C12orf56: variants seen among roughly 807,000 people sequenced by gnomAD.
C12orf56 encodes uncharacterized protein C12orf56.
C12orf56 carries 71 observed loss-of-function variants against 69.9 expected under a neutral mutation model. The observed-to-expected ratio is 1.02, with a 90% CI of 0.84 to 1.24. The LOEUF (loss-of-function observed/expected upper bound fraction) is 1.24. Among genes scored for constraint, C12orf56 ranks in the 50% most tolerant of loss-of-function variants. C12orf56 has a pLI of 0.00. For synonymous variants in C12orf56, 276 were observed against 274.1 expected (o/e 1.01, Z -0.07); for missense variants, 732 against 738.5 (o/e 0.99, Z 0.10).
At chr12:64,271,237 G>A (rs1416853515) in intron 11 of C12orf56, among the ~76,000 whole-genome samples, 4 of 151,910 alleles carry the variant, frequency 2.6e-5, no homozygotes, top group East Asian at 1.9e-4. Flanking sequence ...AGGCTGAGGC[G>A]GGTAGATCAC....
In C12orf56 at chr12:64,266,870, T is replaced by C; in HGVS notation, c.*313A>G. 3.1e-6 allele frequency: 1 copy of C among 326,284 alleles called. No individual in the cohort carries two copies. Among genetic ancestry groups the C allele is most frequent in the Non-Finnish European group, 5.5e-6 (1 of 182,052 alleles). The allele number at this position is 326,284 out of a possible 1,614,324, so 20.2% of individuals were successfully genotyped here. Reference sequence around the variant, plus strand: ...CAGCTTTCCTAAATCCCTGCATTCCTTTTTCCTGTGTCTTGATGGATAGTC... The same window carrying C: ...CAGCTTTCCTAAATCCCTGCATTCCCTTTTCCTGTGTCTTGATGGATAGTC... On this transcript the variant is annotated 3_prime_UTR_variant, in exon 13 of 13. Coordinates refer to ENST00000543942, the MANE Select transcript of C12orf56 (RefSeq NM_001170633.2).
At chr12:64,326,556 G>A (rs1285747650) in intron 3 of C12orf56, among the ~76,000 whole-genome samples, 3 of 152,098 alleles carry the variant, frequency 2.0e-5, no homozygotes, top group Non-Finnish European at 4.4e-5. Context: ...CAAACATGGT[G>A]AAACCCCGTC....
At chr12:64,367,810 C>A (rs1273080302) in intron 1 of C12orf56, among the ~76,000 whole-genome samples, 1 of 127,608 alleles carries the variant, frequency 7.8e-6, no homozygotes, top group Non-Finnish European at 1.7e-5. Flanking sequence ...GGCACTCTTT[C>A]TTTTTTTTTT....
At position 64,376,501 on chromosome 12, in the gene C12orf56, A is replaced by G. The variant is rs141471743; in HGVS notation, c.252+13813T>C. ...AATTACTTTTGTACCAATCTAATAC[A>G]TAGATAAATCCGTGCCATGGTGACT... On this transcript the variant is annotated intron_variant, in intron 1 of 12. Transcript: ENST00000543942. 5.3e-3 allele frequency among the ~76,000 whole-genome samples: 808 copies of G among 152,322 alleles called. 6 individuals are homozygous for G. The highest frequency in any genetic ancestry group is 0.018 in the African/African-American group (764 of 41,576).
Position 64,267,082 on chromosome 12 carries a change from A to G in C12orf56, c.*101T>C. 2 of 806,038 alleles carry G rather than the reference A, an allele frequency of 2.5e-6. No homozygotes were observed. Among genetic ancestry groups the G allele is most frequent in the Admixed American group, 2.9e-5 (1 of 34,582 alleles). 49.9% of individuals were successfully genotyped at this position (806,038 alleles called of 1,614,324 possible). A position where few individuals can be genotyped will look rare whatever the true frequency, so the allele number is the denominator to read the frequency against. ...ATCTTTGTTTATAGGACTCAGAGAT[A>G]GCCAGATATTAAACAAATAAAAAAA... On this transcript the variant is annotated 3_prime_UTR_variant, in exon 13 of 13. Coordinates refer to ENST00000543942, the MANE Select transcript of C12orf56 (RefSeq NM_001170633.2).
chr12:64,270,878 T>C (rs2037979093), intron 11 of C12orf56, among the ~76,000 whole-genome samples, 164 bp from the exon 12 acceptor site: 1 of 152,030 alleles, frequency 6.6e-6, no homozygotes, highest in Non-Finnish European at 1.5e-5. Context: ...ATAAAAAGTA[T>C]AGGAGGAAGC....
chr12:64,308,948 AAAG>A lies in C12orf56; in HGVS notation c.968+3728_968+3730del, dbSNP rs1306376334. 1.9e-3 allele frequency among the ~76,000 whole-genome samples: 100 copies of A among 52,054 alleles called. 3 individuals are homozygous for A. The highest frequency in any genetic ancestry group is 3.1e-3 in the South Asian group (3 of 968). 34.1% of individuals were successfully genotyped at this position (52,054 alleles called of 152,430 possible). A position where few individuals can be genotyped will look rare whatever the true frequency, so the allele number is the denominator to read the frequency against. ...AGAAAGAAAGAAAGAAAGAAGAAAG[AAAG>A]AAAGAAAGAAAGAAAGAAAGAAAAG... On this transcript the variant is annotated intron_variant, in intron 5 of 12. Coordinates refer to ENST00000543942, the MANE Select transcript of C12orf56 (RefSeq NM_001170633.2).
intron 1 of C12orf56, among the ~76,000 whole-genome samples, chr12:64,354,147 T>C (rs990971382): frequency 2.2e-4 from 33 of 152,320 alleles, no homozygotes; most frequent in African/African-American, 7.5e-4. Flanking sequence ...GAAATGTCCT[T>C]CTCTCCAACG....
chr12:64,285,512 G>A (rs1296704691), intron 7 of C12orf56, among the ~76,000 whole-genome samples: 2 of 152,052 alleles, frequency 1.3e-5, no homozygotes, highest in African/African-American at 4.8e-5. Flanking sequence ...AAGAGACCAG[G>A]CATGGTGGCT....
chr12:64,308,980 G>GGAAAGAAAGA lies in C12orf56; in HGVS notation c.968+3698_968+3699insTCTTTCTTTC, dbSNP rs2038569950. Among the ~76,000 whole-genome samples, 8 of 121,572 alleles carry GGAAAGAAAGA rather than the reference G, an allele frequency of 6.6e-5. No homozygotes were observed. The Admixed American group carries it at 6.9e-4, about 10-fold the overall frequency. The allele number at this position is 121,572 out of a possible 152,430, so 79.8% of individuals were successfully genotyped here. A position where few individuals can be genotyped will look rare whatever the true frequency, so the allele number is the denominator to read the frequency against. On this transcript the variant is annotated intron_variant, in intron 5 of 12. Coordinates refer to ENST00000543942, the MANE Select transcript of C12orf56 (RefSeq NM_001170633.2). ...GAAAGAAAGAAAGAAAGAAAAGAAAGAAAGAAAAGAAAGAAGGAAAGAAAG... is the reference window on the plus strand; with the variant it reads ...GAAAGAAAGAAAGAAAGAAAAGAAAGGAAAGAAAGAAAAGAAAAGAAAGAAGGAAAGAAAG...
chr12:64,301,153 T>C (rs1157928382), intron 6 of C12orf56, among the ~76,000 whole-genome samples: 1 of 152,166 alleles, frequency 6.6e-6, no homozygotes, highest in Non-Finnish European at 1.5e-5. Flanking sequence ...CAGGTCTTCA[T>C]AACAGCTGAA....
At chr12:64,343,531 C>T (rs2039101982) in intron 2 of C12orf56, among the ~76,000 whole-genome samples, 1 of 152,194 alleles carries the variant, frequency 6.6e-6, no homozygotes, top group South Asian at 2.1e-4. Flanking sequence ...AAGGCATTTG[C>T]CAAGTCAATG....
intron 8 of C12orf56, among the ~76,000 whole-genome samples, chr12:64,284,371 G>T (rs2038172142): frequency 6.6e-6 from 1 of 152,196 alleles, no homozygotes; most frequent in Non-Finnish European, 1.5e-5. Context: ...AGATCCCCCG[G>T]CTTTTAATGT....
chr12:64,307,292 T>G (rs1354091856), intron 5 of C12orf56, among the ~76,000 whole-genome samples: 1 of 151,832 alleles, frequency 6.6e-6, no homozygotes, highest in African/African-American at 2.4e-5. Context: ...CTAAATAAAA[T>G]GAATACTTTC....
intron 6 of C12orf56, among the ~76,000 whole-genome samples, chr12:64,294,165 TA>T (rs58293333): frequency 5.9e-4 from 87 of 148,520 alleles, no homozygotes; most frequent in Middle Eastern, 7.0e-3. Flanking sequence ...TAGCTACTAT[TA>T]AAAAAAAAAC....
chr12:64,309,301 C>T (rs1345700947), intron 5 of C12orf56, among the ~76,000 whole-genome samples: 2 of 152,172 alleles, frequency 1.3e-5, no homozygotes, highest in African/African-American at 4.8e-5. Context: ...TCACCACTCT[C>T]CCCAACCCCG....
intron 6 of C12orf56, among the ~76,000 whole-genome samples, chr12:64,294,687 G>A (rs1038810463): frequency 6.6e-6 from 1 of 152,062 alleles, no homozygotes; most frequent in African/African-American, 2.4e-5. Context: ...GGGGTGGGAT[G>A]GGGGAAAGAA....
intron 1 of C12orf56, among the ~76,000 whole-genome samples, chr12:64,365,696 T>C (rs2039458899): frequency 6.9e-6 from 1 of 145,410 alleles, no homozygotes; most frequent in South Asian, 2.1e-4. Context: ...TATTCTATTA[T>C]ATAATACAAT....
chr12:64,384,882 C>T (rs968424628), intron 1 of C12orf56, among the ~76,000 whole-genome samples: 2 of 152,044 alleles, frequency 1.3e-5, no homozygotes, highest in South Asian at 2.1e-4. Flanking sequence ...GGTGAAACCC[C>T]GTCTCTACTA....
Sources: allele counts gnomAD v4.1 joint callset (sites outside exome capture counted in the v4.1 genomes callset), GRCh38; gene constraint gnomAD v4.1.1; transcripts MANE v1.5; gene names NCBI Gene and HGNC (gene_info 2026-07-23, HGNC 2026-07-21).